Variants in RARS2 observed in about 807,000 individuals in gnomAD.
The protein encoded by RARS2 is probable arginine--tRNA ligase, mitochondrial.
A neutral mutation model predicts 88.5 loss-of-function variants in RARS2; 67 were observed. The ratio of observed to expected loss-of-function variants is 0.76; its 90% CI spans 0.62 to 0.93. The LOEUF is 0.93. Among genes scored for constraint, RARS2 ranks in the 40% least tolerant of loss-of-function variants. The pLI is 0.00. For synonymous variants in RARS2, 239 were observed against 230.3 expected (o/e 1.04, Z -0.34); for missense variants, 664 against 684.2 (o/e 0.97, Z 0.33).
chr6:87,572,526 C>T (rs1206040052), intron 1 of RARS2, among the ~76,000 whole-genome samples: 1 of 151,738 alleles, frequency 6.6e-6, no homozygotes. Flanking sequence ...ATTCTTTTGG[C>T]TAAACTAAAA....
In RARS2 at chr6:87,589,905, C is replaced by G. The variant is rs745742318; in HGVS notation, c.36+17G>C. On this transcript the variant is annotated intron_variant, in intron 1 of 19. Transcript: ENST00000369536. ...CTAGCTCCTCAGGGACTCCTCTGCG[C>G]GCTCCGGGATCCATACCTGGCAAGC... The G allele has an allele frequency of 8.1e-6, 13 of 1,614,106 alleles. No homozygotes were observed. The highest frequency in any genetic ancestry group is 2.2e-5 in the South Asian group (2 of 91,092).
chr6:87,531,222 T>C (rs764905931), intron 8 of RARS2, among the ~76,000 whole-genome samples: 4 of 152,312 alleles, frequency 2.6e-5, no homozygotes, highest in Admixed American at 1.3e-4. Context: ...ATTTGTGATA[T>C]AGTAATGGAG....
chr6:87,514,978 A>G lies in RARS2; in HGVS notation c.1629T>C (p.Asp543=), dbSNP rs749115027. The G allele has an allele frequency of 1.3e-5, 21 of 1,613,144 alleles. No homozygotes were observed. Among genetic ancestry groups the G allele is most frequent in the African/African-American group, 1.2e-4 (9 of 74,898 alleles). ...GTACCCCAGCCACTTCAGGAGGACT[A>G]TCTTTTATTTGTAGTGTTTTGTGTG... The part of the protein sequence containing the change: ...AVAHKTLQIK[D]SPPEVAGARL... Residue 543 remains aspartate, a synonymous_variant, in exon 19 of 20, where the codon GAT becomes GAC. Coordinates refer to ENST00000369536, the MANE Select transcript of RARS2 (RefSeq NM_020320.5).
At chr6:87,558,992 C>T (rs368565053) in intron 4 of RARS2, among the ~76,000 whole-genome samples, 1 of 152,096 alleles carries the variant, frequency 6.6e-6, no homozygotes, top group East Asian at 1.9e-4. Flanking sequence ...GAGGTGAAGA[C>T]AGTGATATTG....
At chr6:87,565,212 C>G (rs180798597) in intron 2 of RARS2, among the ~76,000 whole-genome samples, 1 of 152,298 alleles carries the variant, frequency 6.6e-6, no homozygotes, top group African/African-American at 2.4e-5. Flanking sequence ...GCTTCCTCTA[C>G]TACTCCAAAT....
Position 87,582,490 on chromosome 6 carries a change from T to C in RARS2, c.36+7432A>G, listed in dbSNP as rs560664566. On this transcript the variant is annotated intron_variant, in intron 1 of 19. Transcript: ENST00000369536. The stretch of plus-strand genomic sequence containing the variant: ...TTGTAGGTTCTGGATATTAGACCTT[T>C]GTCAGATAGATTGTGAAAATTCTAT... 2.6e-5 allele frequency among the ~76,000 whole-genome samples: 4 copies of C among 152,340 alleles called. No homozygotes were observed. The South Asian group carries it at 8.3e-4, about 32-fold the overall frequency.
intron 1 of RARS2, among the ~76,000 whole-genome samples, chr6:87,575,277 A>ACCCC (rs1554218760): frequency 7.1e-6 from 1 of 140,056 alleles, no homozygotes; most frequent in Non-Finnish European, 1.6e-5. Context: ...ACACACACAC[A>ACCCC]CCTTGGCTTC....
chr6:87,568,064 C>T (rs895777664), intron 2 of RARS2, among the ~76,000 whole-genome samples: 1 of 152,222 alleles, frequency 6.6e-6, no homozygotes, highest in Non-Finnish European at 1.5e-5. Context: ...AGCCACCGTG[C>T]CCGGCCCCAA....
intron 11 of RARS2, among the ~76,000 whole-genome samples, chr6:87,522,048 C>G (rs537253797): frequency 6.6e-6 from 1 of 152,072 alleles, no homozygotes; most frequent in Non-Finnish European, 1.5e-5. Context: ...ACCATAAAGT[C>G]GGCCAGGTGT....
chr6:87,556,612 C>T (rs1455369590), intron 4 of RARS2, among the ~76,000 whole-genome samples: 3 of 151,584 alleles, frequency 2.0e-5, no homozygotes, highest in African/African-American at 7.3e-5. Flanking sequence ...TGGTGAAACC[C>T]CATCTCTACT....
At chr6:87,557,265 T>C (rs1350108067) in intron 4 of RARS2, among the ~76,000 whole-genome samples, 1 of 152,186 alleles carries the variant, frequency 6.6e-6, no homozygotes, top group Non-Finnish European at 1.5e-5. Flanking sequence ...ACTCACATTG[T>C]GCAATAAGAA....
intron 16 of RARS2, 72 bp downstream of exon 16, chr6:87,518,558 G>C (rs1378904578): frequency 6.8e-7 from 1 of 1,461,932 alleles, no homozygotes; most frequent in African/African-American, 1.4e-5. Flanking sequence ...CAGGGCCTCT[G>C]GTCTTAGAAT....
intron 4 of RARS2, among the ~76,000 whole-genome samples, chr6:87,557,231 C>A (rs779940928): frequency 6.6e-6 from 1 of 152,016 alleles, no homozygotes; most frequent in African/African-American, 2.4e-5. Context: ...TGCACAAGGA[C>A]GTAGAGAAAA....
At chr6:87,585,272 A>AT (rs1774788913) in intron 1 of RARS2, among the ~76,000 whole-genome samples, 1 of 152,232 alleles carries the variant, frequency 6.6e-6, no homozygotes, top group Non-Finnish European at 1.5e-5. Flanking sequence ...TGCTGAGGAA[A>AT]TAAGAGTGAA....
chr6:87,530,034 G>C (rs151329617), intron 9 of RARS2, among the ~76,000 whole-genome samples: 66 of 152,124 alleles, frequency 4.3e-4, no homozygotes, highest in African/African-American at 1.5e-3. Context: ...TGTTAAACTG[G>C]AATTAAGCAA....
At chr6:87,545,485 GAAA>G (rs67446155) in intron 7 of RARS2, 128 bp downstream of exon 7, 1,134 of 976,596 alleles carry the variant, frequency 1.2e-3, no homozygotes, top group East Asian at 1.8e-3. Flanking sequence ...AGCCATTAGG[GAAA>G]AAAAAAAAAA....
chr6:87,555,389 A>G lies in RARS2; in HGVS notation c.395+19T>C. On this transcript the variant is annotated intron_variant, in intron 5 of 19. Coordinates refer to ENST00000369536, the MANE Select transcript of RARS2 (RefSeq NM_020320.5). ...CAGTCAACTTGATTAAGCAACACAT[A>G]AAAGGGGTGCACCCTCACCTGAATT... 6.3e-7 allele frequency: 1 copy of G among 1,592,078 alleles called. No individual in the cohort carries two copies. The highest frequency in any genetic ancestry group is 1.1e-5 in the South Asian group (1 of 90,600).
intron 1 of RARS2, among the ~76,000 whole-genome samples, chr6:87,587,803 C>T (rs1227834067): frequency 6.6e-6 from 1 of 152,072 alleles, no homozygotes; most frequent in Non-Finnish European, 1.5e-5. Context: ...GACAGGGACT[C>T]ACTTTGTCCC....
chr6:87,553,823 T>C (rs1785029913), intron 5 of RARS2, among the ~76,000 whole-genome samples: 2 of 152,196 alleles, frequency 1.3e-5, no homozygotes, highest in Admixed American at 1.3e-4. Flanking sequence ...ATAATTGTGG[T>C]GTACTGGCAG....
Sources: gnomAD v4.1 joint callset for allele counts (sites outside exome capture counted in the v4.1 genomes callset) on GRCh38, gnomAD v4.1.1 for gene constraint, MANE v1.5 for transcripts, NCBI Gene and HGNC (gene_info 2026-07-23, HGNC 2026-07-21) for gene names.